The following PTPRN2 variants were observed in gnomAD, a reference collection of about 807,000 sequenced individuals.
The protein encoded by PTPRN2 is receptor-type tyrosine-protein phosphatase N2.
PTPRN2 carries 74 observed loss-of-function variants against 118.8 expected under a neutral mutation model. The observed-to-expected ratio is 0.62, with a 90% CI of 0.52 to 0.76. The LOEUF (loss-of-function observed/expected upper bound fraction) is 0.76, where lower values mean the gene tolerates loss of function less well. PTPRN2 is among the 30% of genes least tolerant of loss of function. PTPRN2 has a pLI of 0.00. For synonymous variants in PTPRN2, 641 were observed against 608.0 expected, an observed-to-expected ratio of 1.05 and a Z score of -0.80; for missense variants, 1,481 against 1,394.4, an observed-to-expected ratio of 1.06 and a Z score of -0.99.
At chr7:158,440,645 CAGT>C (rs1025792494) in intron 2 of PTPRN2, among the ~76,000 whole-genome samples, 43 of 115,888 alleles carry the variant, frequency 3.7e-4, no homozygotes, top group Admixed American at 3.3e-3. Context: ...ATGATGGTGG[CAGT>C]AGTGATGGTG....
intron 11 of PTPRN2, among the ~76,000 whole-genome samples, chr7:158,018,457 A>G (rs533630686): frequency 8.5e-5 from 13 of 152,354 alleles, no homozygotes; most frequent in African/African-American, 3.1e-4. Context: ...CTGCCTGGAA[A>G]TGCTAACTTC....
At chr7:157,688,500 C>G (rs1026402761) in intron 12 of PTPRN2, among the ~76,000 whole-genome samples, 3 of 152,232 alleles carry the variant, frequency 2.0e-5, no homozygotes, top group African/African-American at 7.2e-5. Flanking sequence ...TCATGACACC[C>G]AAACTCAGAC....
At chr7:158,491,958 A>T (rs1167342119) in intron 1 of PTPRN2, among the ~76,000 whole-genome samples, 1 of 152,210 alleles carries the variant, frequency 6.6e-6, no homozygotes, top group African/African-American at 2.4e-5. Context: ...GCACTTGAAC[A>T]GCAGGAGGAG....
intron 12 of PTPRN2, among the ~76,000 whole-genome samples, chr7:157,810,575 T>C (rs1585527473): frequency 9.1e-6 from 1 of 110,026 alleles, no homozygotes; most frequent in Admixed American, 1.0e-4. Flanking sequence ...GGGGCTGGGC[T>C]CTCCATGGGG....
rs1801357857 is a variant in PTPRN2, at chr7:157,596,680, T to C, written c.2419-1365A>G. ...CTCCTCCCCACACCTCCCAGAAGCA[T>C]CTGCAGAGACCGACCCCCGGAGAGC... On this transcript the variant is annotated intron_variant, in intron 16 of 22. Coordinates refer to ENST00000389418, the MANE Select transcript of PTPRN2 (RefSeq NM_002847.5). The surrounding 1 kb of genome is among the most constrained non-coding windows in gnomAD (Gnocchi z 4.2). Among the ~76,000 whole-genome samples, 5 of 152,238 alleles carry C rather than the reference T, an allele frequency of 3.3e-5. No individual in the cohort carries two copies. In the South Asian group the frequency reaches 1.0e-3, roughly 32 times the overall value.
intron 2 of PTPRN2, among the ~76,000 whole-genome samples, chr7:158,418,826 A>C (rs1016009070): frequency 4.6e-5 from 7 of 151,476 alleles, no homozygotes; most frequent in Non-Finnish European, 8.8e-5. Flanking sequence ...TCAGTGTCCC[A>C]CTGTGTTAAG....
In PTPRN2 at chr7:157,785,009, G is replaced by C. The variant is rs73744893; in HGVS notation, c.1789-102072C>G. On this transcript the variant is annotated intron_variant, in intron 12 of 22. Transcript: ENST00000389418. The surrounding 1 kb of genome is among the most constrained non-coding windows in gnomAD (Gnocchi z 7.3). ...TCTGTCCAGGCGGCTGAGGTCACGC[G>C]GTCTCTTCAGTTTCCATTTTTCCAC... 3.3e-5 allele frequency among the ~76,000 whole-genome samples: 5 copies of C among 152,114 alleles called. No individual in the cohort carries two copies. The highest frequency in any genetic ancestry group is 5.9e-5 in the Non-Finnish European group (4 of 68,022).
intron 6 of PTPRN2, among the ~76,000 whole-genome samples, chr7:158,147,405 CTTCAAT>C (rs1820226916): frequency 1.6e-5 from 1 of 61,780 alleles, no homozygotes; most frequent in Admixed American, 1.3e-4. Flanking sequence ...TGTCTTTCCC[CTTCAAT>C]GACACCCCAT....
intron 6 of PTPRN2, among the ~76,000 whole-genome samples, chr7:158,158,817 G>T (rs61489702): frequency 5.5e-5 from 5 of 91,380 alleles, no homozygotes; most frequent in South Asian, 3.6e-4. Context: ...ATGAGTGAAC[G>T]CGGGAGAATC....
chr7:158,086,892 T>G (rs768097643), intron 10 of PTPRN2, among the ~76,000 whole-genome samples: 3 of 152,198 alleles, frequency 2.0e-5, no homozygotes, highest in Non-Finnish European at 4.4e-5. Context: ...AACCTTATTA[T>G]CTTCTTCACA....
chr7:157,705,209 G>C (rs1316188146), intron 12 of PTPRN2, among the ~76,000 whole-genome samples: 1 of 152,216 alleles, frequency 6.6e-6, no homozygotes, highest in Non-Finnish European at 1.5e-5. Flanking sequence ...AGGAGGCTGA[G>C]GCAGAAGAAT....
intron 3 of PTPRN2, among the ~76,000 whole-genome samples, chr7:158,279,791 C>T (rs1230184093): frequency 1.3e-5 from 2 of 152,202 alleles, no homozygotes; most frequent in East Asian, 1.9e-4. Context: ...CACAGTGCAG[C>T]AGCGGGCTGA....
chr7:157,698,683 T>C (rs2150858052), intron 12 of PTPRN2, among the ~76,000 whole-genome samples: 1 of 152,338 alleles, frequency 6.6e-6, no homozygotes, highest in East Asian at 1.9e-4. Flanking sequence ...CAGTGCAGTC[T>C]CCCTAGAGGT....
At chr7:158,306,654 C>T (rs1160973858) in intron 3 of PTPRN2, among the ~76,000 whole-genome samples, 1 of 152,178 alleles carries the variant, frequency 6.6e-6, no homozygotes, top group East Asian at 1.9e-4. Context: ...GCAACAACAA[C>T]AACAACAACA....
At chr7:158,303,216 T>C (rs550842100) in intron 3 of PTPRN2, among the ~76,000 whole-genome samples, 1 of 151,158 alleles carries the variant, frequency 6.6e-6, no homozygotes, top group Non-Finnish European at 1.5e-5. Flanking sequence ...TTTTCAATAA[T>C]AGGATGTGAT....
intron 2 of PTPRN2, among the ~76,000 whole-genome samples, chr7:158,469,094 C>CACGCACACTCCAGGTGGATCAACAGT (rs1819648331): frequency 1.4e-5 from 1 of 70,340 alleles, no homozygotes; most frequent in African/African-American, 4.7e-5. Context: ...TATGCACACC[C>CACGCACACTCCAGGTGGATCAACAGT]ATGCACACTC....
At position 158,067,521 on chromosome 7, in the gene PTPRN2, T is replaced by G. The variant is rs574192115; in HGVS notation, c.1723+13777A>C. On this transcript the variant is annotated intron_variant, in intron 11 of 22. Coordinates refer to ENST00000389418, the MANE Select transcript of PTPRN2 (RefSeq NM_002847.5). ...GGGTGGGGCCCAAGAGTCTGCGTTT[T>G]TAACGACCTCCAGCTGGTGCTCAGG... 7.2e-5 allele frequency among the ~76,000 whole-genome samples: 11 copies of G among 152,266 alleles called. No homozygotes were observed. The South Asian group carries it at 2.3e-3, about 32-fold the overall frequency.
chr7:158,156,171 C>T (rs7780529), intron 6 of PTPRN2, among the ~76,000 whole-genome samples: 3,425 of 152,208 alleles, frequency 0.023, 118 homozygotes, highest in African/African-American at 0.075. Context: ...ACTGTCATGC[C>T]GCAATATTTT....
At chr7:157,626,079 G>A (rs770352762) in intron 14 of PTPRN2, among the ~76,000 whole-genome samples, 5 of 152,212 alleles carry the variant, frequency 3.3e-5, no homozygotes, top group African/African-American at 4.8e-5. Context: ...AAGGCCTAGA[G>A]AAGGTAAGCA....
Sources: allele counts gnomAD v4.1 joint callset (sites outside exome capture counted in the v4.1 genomes callset), GRCh38; gene constraint gnomAD v4.1.1; non-coding constraint Gnocchi (gnomAD v3.1); transcripts MANE v1.5; gene names NCBI Gene and HGNC (gene_info 2026-07-23, HGNC 2026-07-21).